FTO: variants seen among roughly 807,000 people sequenced by gnomAD.
FTO encodes alpha-ketoglutarate-dependent dioxygenase FTO.
A neutral mutation model predicts 63.9 loss-of-function variants in FTO; 47 were observed. The ratio of observed to expected loss-of-function variants is 0.74; its 90% confidence interval spans 0.58 to 0.94. The LOEUF is 0.94. Ranked by LOEUF, FTO falls within the 40% of genes least tolerant of loss-of-function variation. The pLI, the probability that FTO is intolerant of heterozygous loss-of-function variation, is 0.00. For missense variants in FTO, 562 were observed against 618.1 expected (o/e 0.91, Z 0.96); for synonymous variants, 207 against 224.4 (o/e 0.92, Z 0.69).
chr16:53,951,186 T>C (rs2082791625), intron 8 of FTO, among the ~76,000 whole-genome samples: 1 of 152,208 alleles, frequency 6.6e-6, no homozygotes, highest in East Asian at 1.9e-4. Flanking sequence ...GACCTTTGAA[T>C]AGAGCATCAC....
At chr16:54,090,546 T>C (rs1259638878) in intron 8 of FTO, among the ~76,000 whole-genome samples, 5 of 152,214 alleles carry the variant, frequency 3.3e-5, no homozygotes, top group African/African-American at 1.2e-4. Flanking sequence ...ATTTTTGTTA[T>C]ATATATTTTG....
rs56906281 is a variant in FTO at position 53,764,475 on chromosome 16, C to CAAAAAAAAAAA, written c.46-45659_46-45649dup. On this transcript the variant is annotated intron_variant, in intron 1 of 8. Transcript: ENST00000471389. ...TGAAACCCCATCTCTACTAAAAATA[C>CAAAAAAAAAAA]AAAAAAAAAAAAAAAAGAAAAGAGG... 7.3e-4 allele frequency among the ~76,000 whole-genome samples: 86 copies of CAAAAAAAAAAA among 118,566 alleles called. 2 individuals carry two copies. The East Asian group carries it at 8.8e-3, about 12-fold the overall frequency. The allele number at this position is 118,566 out of a possible 152,430, so 77.8% of individuals were successfully genotyped here.
At chr16:53,853,907 A>G (rs776348095) in intron 4 of FTO, among the ~76,000 whole-genome samples, 9 of 152,198 alleles carry the variant, frequency 5.9e-5, no homozygotes, top group Non-Finnish European at 1.3e-4. Context: ...ACTGTTTTCC[A>G]TGGAGGTTGT....
intron 1 of FTO, among the ~76,000 whole-genome samples, chr16:53,795,290 T>C (rs1320374619): frequency 6.6e-6 from 1 of 152,216 alleles, no homozygotes; most frequent in Non-Finnish European, 1.5e-5. Flanking sequence ...CAAAAGATTT[T>C]TTAAAAGGCA....
At chr16:53,855,864 A>G (rs1446560721) in intron 4 of FTO, among the ~76,000 whole-genome samples, 1 of 152,192 alleles carries the variant, frequency 6.6e-6, no homozygotes, top group Non-Finnish European at 1.5e-5. Context: ...AAAACCATCA[A>G]AGATAAAAAT....
intron 5 of FTO, among the ~76,000 whole-genome samples, chr16:53,879,450 A>G (rs1477751020): frequency 2.0e-5 from 3 of 152,064 alleles, no homozygotes; most frequent in Admixed American, 6.6e-5. Context: ...CTGAAGTGGG[A>G]GGACTGCCTG....
chr16:53,710,512 C>T (rs554708542), intron 1 of FTO, among the ~76,000 whole-genome samples: 2 of 152,230 alleles, frequency 1.3e-5, no homozygotes, highest in African/African-American at 2.4e-5. Context: ...ATTCACCTGC[C>T]TCGGCCTCCC....
chr16:53,750,378 C>G (rs548435871), intron 1 of FTO, among the ~76,000 whole-genome samples: 41 of 152,090 alleles, frequency 2.7e-4, no homozygotes, highest in African/African-American at 8.9e-4. Flanking sequence ...ACTGGGATTA[C>G]AGGTGCACGC....
intron 1 of FTO, among the ~76,000 whole-genome samples, chr16:53,759,487 A>T (rs968481978): frequency 1.3e-5 from 2 of 152,140 alleles, no homozygotes; most frequent in African/African-American, 2.4e-5. Flanking sequence ...TGAGGTCAAG[A>T]GTTCGAGACC....
intron 1 of FTO, among the ~76,000 whole-genome samples, chr16:53,775,571 G>T (rs1295989642): frequency 1.3e-5 from 2 of 152,066 alleles, no homozygotes; most frequent in Non-Finnish European, 2.9e-5. Flanking sequence ...GCTTTCTGAG[G>T]CTCCTCATTA....
intron 3 of FTO, among the ~76,000 whole-genome samples, chr16:53,834,321 G>A (rs780889677): frequency 1.3e-5 from 2 of 152,172 alleles, no homozygotes; most frequent in Non-Finnish European, 2.9e-5. Context: ...ACCGCGCCCG[G>A]CCTGAACTTT....
At chr16:54,094,275 A>T (rs750353474) in intron 8 of FTO, among the ~76,000 whole-genome samples, 7 of 152,220 alleles carry the variant, frequency 4.6e-5, no homozygotes, top group Non-Finnish European at 7.3e-5. Context: ...GCCATACTGC[A>T]AGCCTAAGGC....
intron 1 of FTO, among the ~76,000 whole-genome samples, chr16:53,788,541 T>C (rs778315641): frequency 6.8e-6 from 1 of 147,436 alleles, no homozygotes; most frequent in East Asian, 2.0e-4. Flanking sequence ...AGGTGGAAAT[T>C]GCAGTGAGCT....
intron 1 of FTO, among the ~76,000 whole-genome samples, chr16:53,764,807 C>T (rs908112846): frequency 6.6e-6 from 1 of 152,030 alleles, no homozygotes; most frequent in South Asian, 2.1e-4. Flanking sequence ...GCAACCTCTG[C>T]CTCCAGGGTT....
intron 8 of FTO, among the ~76,000 whole-genome samples, chr16:53,954,906 G>A (rs1218672427): frequency 2.0e-5 from 3 of 151,966 alleles, no homozygotes; most frequent in Non-Finnish European, 4.4e-5. Context: ...TAGCAGAGAT[G>A]GGACTGGCAA....
At chr16:53,960,189 A>G (rs2143623127) in intron 8 of FTO, among the ~76,000 whole-genome samples, 1 of 152,292 alleles carries the variant, frequency 6.6e-6, no homozygotes, top group East Asian at 1.9e-4. Context: ...GAGTCTCAAA[A>G]TACGTTCAGA....
Position 53,805,571 on chromosome 16 carries a change from C to T in FTO, c.46-4569C>T, listed in dbSNP as rs1186909949. On this transcript the variant is annotated intron_variant, in intron 1 of 8. Coordinates refer to ENST00000471389, the MANE Select transcript of FTO (RefSeq NM_001080432.3). ...CAAGTGGATCCTCCTACCTCAGCCT[C>T]CTGAGTTGCTGGGACTGCAAGTGCA... Among the ~76,000 whole-genome samples, 3 of 151,964 alleles carry T rather than the reference C, an allele frequency of 2.0e-5. No homozygotes were observed. The South Asian group carries it at 6.2e-4, about 32-fold the overall frequency.
intron 1 of FTO, among the ~76,000 whole-genome samples, chr16:53,762,595 T>C (rs530704507): frequency 1.3e-5 from 2 of 150,958 alleles, no homozygotes; most frequent in Non-Finnish European, 3.0e-5. Context: ...GGGAGGAGAG[T>C]GTGGGTTTTT....
chr16:53,812,829 C>A (rs910141165), intron 2 of FTO, among the ~76,000 whole-genome samples: 1 of 152,090 alleles, frequency 6.6e-6, no homozygotes, highest in African/African-American at 2.4e-5. Flanking sequence ...AGATTATCTG[C>A]AGTGAAGGTA....
Sources: allele counts gnomAD v4.1 joint callset (sites outside exome capture counted in the v4.1 genomes callset), GRCh38; gene constraint gnomAD v4.1.1; transcripts MANE v1.5; gene names NCBI Gene and HGNC (gene_info 2026-07-23, HGNC 2026-07-21).